The following RNF185 variants were observed in gnomAD, a reference collection of about 807,000 sequenced individuals.
RNF185 encodes ring finger protein 185, also known as E3 ubiquitin-protein ligase RNF185.
A neutral mutation model predicts 24.9 loss-of-function variants in RNF185; 13 were observed. The observed-to-expected ratio is 0.52, with a 90% CI of 0.34 to 0.83. RNF185 has a LOEUF of 0.83. RNF185 is among the 40% of genes least tolerant of loss of function. The pLI is 0.01. For missense variants in RNF185, 184 were observed against 244.7 expected (o/e 0.75, Z 1.65); for synonymous variants, 79 against 90.3 (o/e 0.88, Z 0.71).
Position 31,206,196 on chromosome 22 carries a change from C to T in RNF185, c.*1610C>T, listed in dbSNP as rs1344872910. 1 of 152,654 alleles carries T rather than the reference C, an allele frequency of 6.6e-6. No homozygotes were observed. The highest frequency in any genetic ancestry group is 6.6e-5 in the Admixed American group (1 of 15,266). The allele number at this position is 152,654 out of a possible 1,614,324, so 9.5% of individuals were successfully genotyped here. On this transcript the variant is annotated 3_prime_UTR_variant, in exon 7 of 7. Coordinates refer to ENST00000326132, the MANE Select transcript of RNF185 (RefSeq NM_152267.4). The stretch of plus-strand genomic sequence containing the variant: ...AGGAAGATGAGGGAAGCCCTCCCCT[C>T]TTCACAGTCCCCATCTCTTCTCCTT...
At chr22:31,174,614 C>T (rs1421221540) in intron 1 of RNF185, among the ~76,000 whole-genome samples, 1 of 152,110 alleles carries the variant, frequency 6.6e-6, no homozygotes, top group East Asian at 1.9e-4. Context: ...TTGGCCTTAA[C>T]TGATCCTCCT....
At chr22:31,165,032 T>G (rs951951877) in intron 1 of RNF185, among the ~76,000 whole-genome samples, 7 of 151,718 alleles carry the variant, frequency 4.6e-5, no homozygotes, top group Non-Finnish European at 2.9e-5. Flanking sequence ...TACCTCAGCC[T>G]CCCGAGGAGC....
chr22:31,176,507 T>A (rs1031548651), intron 1 of RNF185, among the ~76,000 whole-genome samples: 4 of 143,332 alleles, frequency 2.8e-5, no homozygotes, highest in South Asian at 4.4e-4. Context: ...TTTTTTTTTT[T>A]AGACAGAGTC....
intron 1 of RNF185, among the ~76,000 whole-genome samples, chr22:31,170,293 A>C (rs541265458): frequency 2.0e-5 from 3 of 152,078 alleles, no homozygotes; most frequent in Admixed American, 1.3e-4. Flanking sequence ...GGTTCATGCC[A>C]TTCTCCTGCC....
At chr22:31,184,005 G>A (rs1278159739) in intron 1 of RNF185, among the ~76,000 whole-genome samples, 21 of 146,984 alleles carry the variant, frequency 1.4e-4, no homozygotes, top group East Asian at 1.1e-3. Context: ...GCAGCTGGCC[G>A]GGCGGGGGCT....
chr22:31,182,244 T>G (rs1048290183), intron 1 of RNF185, among the ~76,000 whole-genome samples: 1 of 151,866 alleles, frequency 6.6e-6, no homozygotes, highest in Admixed American at 6.6e-5. Flanking sequence ...CCTGACTGTC[T>G]GGGGCTACAG....
chr22:31,187,916 GTT>G (rs71202048), intron 2 of RNF185, among the ~76,000 whole-genome samples: 72,583 of 138,216 alleles, frequency 0.53, 18,165 homozygotes, highest in Middle Eastern at 0.62. Flanking sequence ...TCGGATTTTG[GTT>G]TTTTGTGTGT....
intron 1 of RNF185, among the ~76,000 whole-genome samples, chr22:31,170,313 C>T (rs1471818533): frequency 1.3e-5 from 2 of 152,092 alleles, no homozygotes; most frequent in South Asian, 2.1e-4. Flanking sequence ...CTCAGCCCCC[C>T]GAGTAGCTGG....
chr22:31,198,713 T>C (rs1377541939), intron 5 of RNF185, among the ~76,000 whole-genome samples: 3 of 142,468 alleles, frequency 2.1e-5, no homozygotes, highest in African/African-American at 5.5e-5. Context: ...TCTTTTTTTT[T>C]TTTTTTTTTT....
At chr22:31,185,833 G>T (rs1440905058) in intron 1 of RNF185, among the ~76,000 whole-genome samples, 2 of 152,136 alleles carry the variant, frequency 1.3e-5, no homozygotes, top group African/African-American at 4.8e-5. Context: ...CTTGGAGGTG[G>T]TGGTCAACAG....
At chr22:31,174,045 G>A (rs986939308) in intron 1 of RNF185, among the ~76,000 whole-genome samples, 3 of 152,084 alleles carry the variant, frequency 2.0e-5, no homozygotes, top group African/African-American at 7.2e-5. Flanking sequence ...AAAGGGAGGG[G>A]GATTAACATT....
At chr22:31,182,012 A>G (rs1017617646) in intron 1 of RNF185, among the ~76,000 whole-genome samples, 5 of 151,342 alleles carry the variant, frequency 3.3e-5, no homozygotes, top group Middle Eastern at 3.4e-3. Context: ...ATAAAAATAT[A>G]TATATATTTA....
intron 5 of RNF185, among the ~76,000 whole-genome samples, chr22:31,200,714 G>C (rs752258668): frequency 6.6e-6 from 1 of 152,210 alleles, no homozygotes; most frequent in African/African-American, 2.4e-5. Flanking sequence ...AAGTGGAGTG[G>C]CTGCGAAGTG....
chr22:31,193,813 C>A (rs1407392563), intron 3 of RNF185, among the ~76,000 whole-genome samples: 15 of 149,268 alleles, frequency 1.0e-4, no homozygotes, highest in Admixed American at 4.0e-4. Flanking sequence ...AACCAAAAAA[C>A]CGAAAAAAAA....
chr22:31,178,267 A>G (rs1237387881), intron 1 of RNF185, among the ~76,000 whole-genome samples: 1 of 152,176 alleles, frequency 6.6e-6, no homozygotes, highest in Non-Finnish European at 1.5e-5. Context: ...CCCCAAGTTT[A>G]TCTGACCTCT....
Position 31,204,608 on chromosome 22 carries a change from C to T in RNF185, c.*22C>T, listed in dbSNP as rs377425160. On this transcript the variant is annotated 3_prime_UTR_variant, in exon 7 of 7. Transcript: ENST00000326132. The stretch of plus-strand genomic sequence containing the variant: ...CTAATGCTGGGCTCCTGCCTACATC[C>T]GTGGCAGGGCTCTGGACTGGTGACG... 18 of 1,463,236 alleles carry T rather than the reference C, an allele frequency of 1.2e-5. No individual in the cohort carries two copies. The highest frequency in any genetic ancestry group is 6.8e-5 in the East Asian group (3 of 44,196). The allele number at this position is 1,463,236 out of a possible 1,614,324, so 90.6% of individuals were successfully genotyped here.
At position 31,187,136 on chromosome 22, in the gene RNF185, C is replaced by G. The variant is rs912726436; in HGVS notation, c.42C>G (p.Asn14Lys). Residue 14 changes from asparagine to lysine, a missense_variant, in exon 2 of 7, where the codon AAC (asparagine) becomes AAG (lysine). Transcript: ENST00000326132. ...CCTCGGCCTCTGCATCTCCTGAGAA[C>G]TCCAGTGCAGGGGGGCCCAGTGGGA... is the stretch of plus-strand genomic sequence containing the variant. The part of the protein sequence containing the change: ...KGPSASASPE[N>K]SSAGGPSGSS... 3.7e-6 allele frequency: 6 copies of G among 1,613,162 alleles called. No individual in the cohort carries two copies. The highest frequency in any genetic ancestry group is 5.1e-6 in the Non-Finnish European group (6 of 1,179,596).
At chr22:31,179,852 A>G (rs1392656158) in intron 1 of RNF185, among the ~76,000 whole-genome samples, 3 of 152,174 alleles carry the variant, frequency 2.0e-5, no homozygotes, top group African/African-American at 7.2e-5. Flanking sequence ...GTTACATGGT[A>G]TGAAATGTGT....
At chr22:31,165,789 A>G (rs956791947) in intron 1 of RNF185, among the ~76,000 whole-genome samples, 2 of 152,154 alleles carry the variant, frequency 1.3e-5, no homozygotes, top group African/African-American at 4.8e-5. Flanking sequence ...ACTCTGCTGT[A>G]TGTCTGGTTA....
Sources: allele counts gnomAD v4.1 joint callset (sites outside exome capture counted in the v4.1 genomes callset), GRCh38; gene constraint gnomAD v4.1.1; transcripts MANE v1.5; gene names NCBI Gene and HGNC (gene_info 2026-07-23, HGNC 2026-07-21).